Variants in ATP11A observed in about 807,000 individuals in gnomAD.
The protein encoded by ATP11A is ATPase phospholipid transporting 11A.
ATP11A carries 81 observed loss-of-function variants against 154.4 expected under a neutral mutation model. The observed-to-expected ratio is 0.52, with a 90% CI of 0.44 to 0.63. The LOEUF (loss-of-function observed/expected upper bound fraction) is 0.63. Ranked by LOEUF, ATP11A falls within the 30% of genes least tolerant of loss-of-function variation. The pLI is 0.00. For missense variants in ATP11A, 1,316 were observed against 1,474.3 expected, an observed-to-expected ratio of 0.89 and a Z score of 1.76; for synonymous variants, 623 against 585.9, an observed-to-expected ratio of 1.06 and a Z score of -0.91.
At position 112,825,427 on chromosome 13, in the gene ATP11A, T is replaced by C. The variant is rs771782554; in HGVS notation, c.873-3T>C. 4 of 1,607,592 alleles carry C rather than the reference T, an allele frequency of 2.5e-6. No individual in the cohort carries two copies. Among genetic ancestry groups the C allele is most frequent in the South Asian group, 1.1e-5 (1 of 89,970 alleles). On this transcript the variant is annotated splice_polypyrimidine_tract_variant and splice_region_variant and intron_variant, in intron 10 of 29. Transcript: ENST00000375645. ...AGTGATCACCTCTGTCCTTTTGTTTTAGATCGATGAATGCGTTCCTCATTG... is the reference window on the plus strand; with the variant it reads ...AGTGATCACCTCTGTCCTTTTGTTTCAGATCGATGAATGCGTTCCTCATTG...
intron 17 of ATP11A, among the ~76,000 whole-genome samples, chr13:112,846,006 T>A (rs1381107471): frequency 6.6e-6 from 1 of 152,240 alleles, no homozygotes; most frequent in Non-Finnish European, 1.5e-5. Context: ...GCGGGCCGCC[T>A]GCTGTGCGTG....
intron 1 of ATP11A, among the ~76,000 whole-genome samples, chr13:112,717,853 G>T (rs1888653579): frequency 6.6e-6 from 1 of 152,252 alleles, no homozygotes; most frequent in African/African-American, 2.4e-5. Flanking sequence ...GAGGTGGGTG[G>T]ATCACCTGAG....
chr13:112,826,606 T>G, intron 11 of ATP11A, 88 bp from the exon 12 acceptor site: 5 of 1,047,860 alleles, frequency 4.8e-6, no homozygotes, highest in South Asian at 2.5e-5. Flanking sequence ...GTATAACTTA[T>G]GCCTAAGCCT....
intron 1 of ATP11A, among the ~76,000 whole-genome samples, chr13:112,728,583 ACTATCCACTCGT>A: frequency 2.2e-5 from 3 of 139,526 alleles, no homozygotes; most frequent in African/African-American, 8.2e-5. Flanking sequence ...CCGCGTTGTC[ACTATCCACTCGT>A]GGGGGGGCCG....
At chr13:112,834,788 A>G in intron 15 of ATP11A, 128 bp downstream of exon 15, 1 of 699,852 alleles carries the variant, frequency 1.4e-6, no homozygotes, top group Non-Finnish European at 2.5e-6. Flanking sequence ...TCTCCTTCCC[A>G]GTGACACCCC....
intron 1 of ATP11A, among the ~76,000 whole-genome samples, chr13:112,707,062 A>G (rs1013000515): frequency 1.3e-5 from 2 of 152,224 alleles, no homozygotes; most frequent in African/African-American, 4.8e-5. Flanking sequence ...CATCAGCACC[A>G]CATTGGGCCC....
Position 112,860,385 on chromosome 13 carries a change from C to T in ATP11A, c.2826C>T (p.Asp942=), listed in dbSNP as rs202237194. The T allele has an allele frequency of 3.5e-5, 57 of 1,614,212 alleles. No individual in the cohort carries two copies. Among genetic ancestry groups the T allele is most frequent in the East Asian group, 3.3e-4 (15 of 44,886 alleles). Residue 942 remains aspartate, a synonymous_variant, in exon 24 of 30, where the codon GAC becomes GAT. Coordinates refer to ENST00000375645, the MANE Select transcript of ATP11A (RefSeq NM_015205.3). The part of the protein sequence containing the change: ...YSLMEQHVGI[D]VLKRDPTLYR... ...TCATGGAGCAGCATGTTGGCATTGA[C>T]GTGCTCAAGAGAGACCCGACCCTGT...
intron 1 of ATP11A, among the ~76,000 whole-genome samples, chr13:112,707,654 G>C (rs1006685333): frequency 6.6e-6 from 1 of 152,274 alleles, no homozygotes; most frequent in African/African-American, 2.4e-5. Flanking sequence ...GGTGCCTCAT[G>C]AGCTGAGCGA....
intron 1 of ATP11A, among the ~76,000 whole-genome samples, chr13:112,782,627 C>T (rs370554705): frequency 6.6e-5 from 10 of 152,318 alleles, no homozygotes; most frequent in African/African-American, 2.4e-4. Flanking sequence ...GTTGGCTTCA[C>T]CACAAAATAG....
chr13:112,774,222 TGC>T (rs2077293542), intron 1 of ATP11A, among the ~76,000 whole-genome samples: 1 of 152,252 alleles, frequency 6.6e-6, no homozygotes, highest in South Asian at 2.1e-4. Context: ...TTGGGTCTGG[TGC>T]CAGGATTTGT....
Position 112,794,220 on chromosome 13 carries a change from C to G in ATP11A, c.162+8963C>G, listed in dbSNP as rs145755055. Among the ~76,000 whole-genome samples the G allele has an allele frequency of 4.6e-5, 7 of 152,322 alleles. No homozygotes were observed. The East Asian group carries it at 1.4e-3, about 29-fold the overall frequency. On this transcript the variant is annotated intron_variant, in intron 2 of 29. Coordinates refer to ENST00000375645, the MANE Select transcript of ATP11A (RefSeq NM_015205.3). Reference sequence around the variant, plus strand: ...TTGAGGACGTCTACTGATTGTATCACAGTCGAAGGGCCCAGTGTTACATTA... The same window carrying G: ...TTGAGGACGTCTACTGATTGTATCAGAGTCGAAGGGCCCAGTGTTACATTA...
intron 17 of ATP11A, among the ~76,000 whole-genome samples, chr13:112,847,853 A>C (rs1440092110): frequency 1.3e-5 from 2 of 152,200 alleles, no homozygotes; most frequent in African/African-American, 4.8e-5. Context: ...TGGGAGGCTG[A>C]GGCATAAGGA....
chr13:112,776,359 T>C (rs758703929), intron 1 of ATP11A, among the ~76,000 whole-genome samples: 4 of 152,144 alleles, frequency 2.6e-5, no homozygotes, highest in Non-Finnish European at 5.9e-5. Context: ...TCCTCTCCCT[T>C]GCCCTGTTCC....
chr13:112,809,701 C>T lies in ATP11A; in HGVS notation c.334-918C>T, dbSNP rs193261377. On this transcript the variant is annotated intron_variant, in intron 4 of 29. Coordinates refer to ENST00000375645, the MANE Select transcript of ATP11A (RefSeq NM_015205.3). ...CATAGGCCCCTGGTGTGCAGTCTCT[C>T]ACATGCTGGGGATTGTTACTGAGAA... 1.0e-3 allele frequency among the ~76,000 whole-genome samples: 155 copies of T among 152,306 alleles called. 1 individual carries two copies. Among genetic ancestry groups the T allele is most frequent in the Non-Finnish European group, 8.8e-5 (6 of 68,036 alleles).
chr13:112,872,860 C>T (rs9549581), intron 26 of ATP11A, among the ~76,000 whole-genome samples: 2 of 149,884 alleles, frequency 1.3e-5, no homozygotes, highest in African/African-American at 2.5e-5. Flanking sequence ...TCTTCCTGAG[C>T]AGTGTGAGCT....
intron 1 of ATP11A, among the ~76,000 whole-genome samples, chr13:112,709,829 CTCAGAATAAATCTCT>C (rs1441270800): frequency 6.6e-6 from 1 of 152,284 alleles, no homozygotes; most frequent in Non-Finnish European, 1.5e-5. Context: ...TCATATTTGG[CTCAGAATAAATCTCT>C]TCAGATATTT....
Position 112,819,416 on chromosome 13 carries a change from G to T in ATP11A, c.674+9G>T. 6.2e-7 allele frequency: 1 copy of T among 1,613,910 alleles called. No homozygotes were observed. ...CAGCCCGACCTCTACAAGTAAGCGG[G>T]AGCTTTGGGTTCTTTAGAAACGGTT... On this transcript the variant is annotated intron_variant, in intron 7 of 29. Coordinates refer to ENST00000375645, the MANE Select transcript of ATP11A (RefSeq NM_015205.3).
chr13:112,733,141 C>T (rs1239034421), intron 1 of ATP11A, among the ~76,000 whole-genome samples: 1 of 152,172 alleles, frequency 6.6e-6, no homozygotes, highest in East Asian at 1.9e-4. Context: ...TACAGGCAAA[C>T]ACTATTAATA....
In ATP11A at chr13:112,882,611, TG is replaced by T. The variant is rs1258298944; in HGVS notation, c.*747del. ...GCCCGCCTGCCCTGTGTGTTGGGGC[TG>T]GCTGAGTTTCGGTCTCCCCATCACC... On this transcript the variant is annotated 3_prime_UTR_variant, in exon 30 of 30. Transcript: ENST00000375645. This position sits in a 1 kb window ranked among gnomAD's most constrained non-coding sequence, Gnocchi z 5.1. 2.5e-6 allele frequency: 1 copy of T among 401,424 alleles called. No individual in the cohort carries two copies. The highest frequency in any genetic ancestry group is 4.4e-6 in the Non-Finnish European group (1 of 228,526). 24.9% of individuals were successfully genotyped at this position (401,424 alleles called of 1,614,324 possible).
Sources: allele counts gnomAD v4.1 joint callset (sites outside exome capture counted in the v4.1 genomes callset), GRCh38; gene constraint gnomAD v4.1.1; non-coding constraint Gnocchi (gnomAD v3.1); transcripts MANE v1.5; gene names NCBI Gene and HGNC (gene_info 2026-07-23, HGNC 2026-07-21).